GRIA1: variants seen among roughly 807,000 people sequenced by gnomAD.
The protein encoded by GRIA1 is glutamate ionotropic receptor AMPA type subunit 1.
In GRIA1, 31 loss-of-function variants were observed where a neutral mutation model predicts 99.2. The observed-to-expected ratio is 0.31, with a 90% CI of 0.23 to 0.42. The LOEUF is 0.42. Ranked by LOEUF, GRIA1 falls within the 10% of genes least tolerant of loss-of-function variation. The probability of loss-of-function intolerance (pLI) is 1.00; values close to 1 mark genes in which losing one functional copy is unlikely to be tolerated. For synonymous variants in GRIA1, 438 were observed against 432.4 expected (o/e 1.01, Z -0.16); for missense variants, 782 against 1,157.5 (o/e 0.68, Z 4.71).
chr5:153,551,759 C>T (rs1253423675), intron 2 of GRIA1, among the ~76,000 whole-genome samples: 1 of 152,164 alleles, frequency 6.6e-6, no homozygotes, highest in African/African-American at 2.4e-5. Context: ...CCCCTGCTTT[C>T]ATGCTGTGTC....
At chr5:153,591,040 C>A (rs1485786243) in intron 2 of GRIA1, among the ~76,000 whole-genome samples, 1 of 152,008 alleles carries the variant, frequency 6.6e-6, no homozygotes, top group Non-Finnish European at 1.5e-5. Context: ...CCTTCTTGAC[C>A]CAGTCCTAGT....
At chr5:153,651,872 G>T (rs1473131496) in intron 4 of GRIA1, among the ~76,000 whole-genome samples, 1 of 152,170 alleles carries the variant, frequency 6.6e-6, no homozygotes, top group African/African-American at 2.4e-5. Flanking sequence ...TAAGAGCAGA[G>T]ATAAAACCAG....
At chr5:153,538,883 C>T (rs918045198) in intron 2 of GRIA1, among the ~76,000 whole-genome samples, 3 of 152,192 alleles carry the variant, frequency 2.0e-5, no homozygotes, top group Non-Finnish European at 4.4e-5. Flanking sequence ...AACTACCTTA[C>T]CTGTAACCTA....
intron 13 of GRIA1, among the ~76,000 whole-genome samples, chr5:153,777,842 T>G (rs985305532): frequency 1.2e-4 from 19 of 152,156 alleles, no homozygotes; most frequent in Admixed American, 1.1e-3. Context: ...TCCCATAGTA[T>G]AGTACTGGTG....
intron 11 of GRIA1, among the ~76,000 whole-genome samples, chr5:153,737,244 A>C (rs1367995678): frequency 6.6e-6 from 1 of 150,974 alleles, no homozygotes; most frequent in Non-Finnish European, 1.5e-5. Flanking sequence ...TTGAGTTAAC[A>C]ATTAAGGATA....
At chr5:153,543,152 T>G (rs1279488019) in intron 2 of GRIA1, among the ~76,000 whole-genome samples, 1 of 152,100 alleles carries the variant, frequency 6.6e-6, no homozygotes, top group Non-Finnish European at 1.5e-5. Flanking sequence ...GTGATGGAGA[T>G]GTGATGGAGG....
At chr5:153,772,024 A>G (rs1008691427) in intron 13 of GRIA1, among the ~76,000 whole-genome samples, 13 of 152,204 alleles carry the variant, frequency 8.5e-5, no homozygotes, top group African/African-American at 3.1e-4. Context: ...CAGAGACAAG[A>G]GAGAATGAAG....
intron 13 of GRIA1, among the ~76,000 whole-genome samples, chr5:153,786,661 A>ATCAAATAGTAGT (rs1764979309): frequency 6.6e-6 from 1 of 152,214 alleles, no homozygotes; most frequent in African/African-American, 2.4e-5. Flanking sequence ...ACCAATACAC[A>ATCAAATAGTAGT]TCAAATAGTA....
In GRIA1 at chr5:153,606,381, T is replaced by C. The variant is rs368700768; in HGVS notation, c.221-40547T>C. On this transcript the variant is annotated intron_variant, in intron 2 of 15. Transcript: ENST00000285900. ...TTTTTCAAAATTGTTTTGGCTATTA[T>C]TAGACCTTTACATTTACATACAAAT... is the stretch of plus-strand genomic sequence containing the variant. 1.3e-4 allele frequency among the ~76,000 whole-genome samples: 20 copies of C among 152,204 alleles called. 1 individual carries two copies. The highest frequency in any genetic ancestry group is 4.8e-4 in the African/African-American group (20 of 41,562).
At chr5:153,498,411 G>T (rs754240958) in intron 2 of GRIA1, among the ~76,000 whole-genome samples, 25 of 152,196 alleles carry the variant, frequency 1.6e-4, no homozygotes, top group Non-Finnish European at 5.9e-5. Context: ...TTAGTGTTGA[G>T]AACACTTGGA....
At position 153,698,120 on chromosome 5, in the gene GRIA1, T is replaced by C; in HGVS notation, c.1211T>C (p.Val404Ala). The C allele has an allele frequency of 6.2e-7, 1 of 1,607,728 alleles. No homozygotes were observed. Among genetic ancestry groups the C allele is most frequent in the Non-Finnish European group, 8.5e-7 (1 of 1,174,240 alleles). Residue 404 changes from valine to alanine, a missense_variant, in exon 9 of 16, where the codon GTT becomes GCT. By Grantham distance (64) the Val-to-Ala change is moderately conservative. This residue lies in a region of GRIA1 where 461 missense variants were observed against 521.7 expected (regional missense o/e 0.88). Transcript: ENST00000285900. ...CAAGCTGGGGGCGATAATTCAAGTG[T>C]TCAGAACAGAACATACATCGTCACA... ...DAQAGGDNSS[V>A]QNRTYIVTTI...
In GRIA1 at chr5:153,698,984, C is replaced by A; in HGVS notation, c.1363C>A (p.Arg455Ser). 6.2e-7 allele frequency: 1 copy of A among 1,613,832 alleles called. No homozygotes were observed. The highest frequency in any genetic ancestry group is 2.2e-5 in the East Asian group (1 of 44,840). The change falls in exon 10 of 16, where the codon CGT (arginine) becomes AGT (serine). Residue 455 changes from arginine (R) to serine (S), a missense_variant. By Grantham distance (110) the Arg-to-Ser change is moderately radical. Transcript: ENST00000285900. ...EIAKHVGYSY[R>S]LEIVSDGKYG... ...TGCCAAGCACGTGGGCTACTCCTACCGTCTGGAGATTGTCAGTGATGGAAA... is the reference window on the plus strand; with the variant it reads ...TGCCAAGCACGTGGGCTACTCCTACAGTCTGGAGATTGTCAGTGATGGAAA...
At chr5:153,495,821 G>A (rs1581127398) in intron 2 of GRIA1, among the ~76,000 whole-genome samples, 1 of 152,146 alleles carries the variant, frequency 6.6e-6, no homozygotes, top group African/African-American at 2.4e-5. Context: ...ACTTTTTAAT[G>A]TGGCTTTGAT....
chr5:153,703,772 C>T (rs1306972686), intron 10 of GRIA1, among the ~76,000 whole-genome samples: 2 of 152,116 alleles, frequency 1.3e-5, no homozygotes, highest in Non-Finnish European at 2.9e-5. Flanking sequence ...CAATGATTTC[C>T]AGTCTATGAT....
chr5:153,627,650 A>C (rs1173254200), intron 2 of GRIA1, among the ~76,000 whole-genome samples: 12 of 152,184 alleles, frequency 7.9e-5, no homozygotes. Flanking sequence ...TGGAGGAGAG[A>C]GGACAGCAGC....
At chr5:153,557,779 C>T (rs2149348863) in intron 2 of GRIA1, 1 of 152,342 alleles carries the variant, frequency 6.6e-6, no homozygotes, top group South Asian at 2.1e-4. Flanking sequence ...ACATCACTGT[C>T]TTTCTTCCAC....
intron 5 of GRIA1, among the ~76,000 whole-genome samples, chr5:153,671,065 A>C (rs2149481542): frequency 6.6e-6 from 1 of 152,142 alleles, no homozygotes; most frequent in East Asian, 1.9e-4. Context: ...TTGTTTTATC[A>C]TTCTCTGTCC....
At chr5:153,705,583 C>A in intron 10 of GRIA1, 114 bp from the exon 11 acceptor site, 1 of 1,343,952 alleles carries the variant, frequency 7.4e-7, no homozygotes, top group Non-Finnish European at 9.7e-7. Context: ...TTCCCACTCT[C>A]ATATCCTTTA....
At chr5:153,678,103 C>T (rs542779924) in intron 7 of GRIA1, among the ~76,000 whole-genome samples, 4 of 152,340 alleles carry the variant, frequency 2.6e-5, no homozygotes, top group Non-Finnish European at 4.4e-5. Flanking sequence ...AGGACCCACC[C>T]TCCCCAACAA....
Sources: gnomAD v4.1 joint callset for allele counts (sites outside exome capture counted in the v4.1 genomes callset) on GRCh38, gnomAD v4.1.1 for gene constraint, gnomAD v4.1.1 regional missense constraint, MANE v1.5 for transcripts, NCBI Gene and HGNC (gene_info 2026-07-23, HGNC 2026-07-21) for gene names.